The following DUSP14 variants were observed in gnomAD, a reference collection of about 807,000 sequenced individuals.
DUSP14 encodes dual specificity protein phosphatase 14.
A neutral mutation model predicts 13.2 loss-of-function variants in DUSP14; 5 were observed. That is an observed-to-expected ratio of 0.38 (90% CI 0.20 to 0.80). The LOEUF is 0.80. Among genes scored for constraint, DUSP14 ranks in the 30% least tolerant of loss-of-function variants. DUSP14 has a pLI of 0.44. For synonymous variants in DUSP14, 91 were observed against 103.4 expected (o/e 0.88, Z 0.73); for missense variants, 185 against 264.0 (o/e 0.70, Z 2.07).
intron 1 of DUSP14, among the ~76,000 whole-genome samples, chr17:37,499,718 C>T (rs1299565859): frequency 4.6e-5 from 7 of 151,862 alleles, no homozygotes; most frequent in African/African-American, 1.2e-4. Context: ...TTAGTAGAGA[C>T]GGGGTTTCAC....
At chr17:37,511,836 G>A (rs992288446) in intron 2 of DUSP14, among the ~76,000 whole-genome samples, 1 of 150,042 alleles carries the variant, frequency 6.7e-6, no homozygotes, top group Non-Finnish European at 1.5e-5. Flanking sequence ...TGGTCTTCTG[G>A]TCTTGAACTC....
intron 1 of DUSP14, among the ~76,000 whole-genome samples, chr17:37,496,291 A>C (rs2054064553): frequency 6.6e-6 from 1 of 152,200 alleles, no homozygotes. Context: ...AATATTTTTT[A>C]CTTTTAGAAA....
intron 1 of DUSP14, among the ~76,000 whole-genome samples, chr17:37,490,242 G>T (rs1157205125): frequency 6.6e-6 from 1 of 151,828 alleles, no homozygotes; most frequent in African/African-American, 2.4e-5. Context: ...CCGCCCCCGC[G>T]ACCCTGTCCC....
intron 1 of DUSP14, among the ~76,000 whole-genome samples, chr17:37,504,162 C>T (rs1046915435): frequency 1.3e-5 from 2 of 152,214 alleles, no homozygotes; most frequent in South Asian, 4.1e-4. Flanking sequence ...TCACTGCACT[C>T]CAGCCTGAGT....
intron 1 of DUSP14, among the ~76,000 whole-genome samples, chr17:37,506,065 C>G (rs992340409): frequency 3.3e-5 from 5 of 151,976 alleles, no homozygotes; most frequent in Non-Finnish European, 7.4e-5. Context: ...GAGTTCAAGA[C>G]CAGTCTGAGC....
At chr17:37,500,302 G>A (rs374150471) in intron 1 of DUSP14, among the ~76,000 whole-genome samples, 72 of 152,332 alleles carry the variant, frequency 4.7e-4, no homozygotes, top group African/African-American at 1.6e-3. Context: ...GAAACTCTCC[G>A]CTGGAGCTTT....
intron 1 of DUSP14, among the ~76,000 whole-genome samples, chr17:37,506,096 C>T (rs914039073): frequency 2.6e-5 from 4 of 151,974 alleles, no homozygotes; most frequent in Non-Finnish European, 5.9e-5. Flanking sequence ...AACTCTGTTT[C>T]TACTAAAAAA....
chr17:37,496,862 GC>G (rs2054068566), intron 1 of DUSP14, among the ~76,000 whole-genome samples: 1 of 146,766 alleles, frequency 6.8e-6, no homozygotes, highest in African/African-American at 2.5e-5. Flanking sequence ...GTTGCAGTGA[GC>G]AGAGATTGAG....
intron 1 of DUSP14, among the ~76,000 whole-genome samples, chr17:37,507,168 A>T (rs565310566): frequency 1.3e-5 from 2 of 152,288 alleles, no homozygotes; most frequent in East Asian, 3.9e-4. Context: ...TCAGAGAAGC[A>T]TCTATAGCAT....
At chr17:37,504,799 TTAAA>T (rs1437786651) in intron 1 of DUSP14, among the ~76,000 whole-genome samples, 3 of 152,206 alleles carry the variant, frequency 2.0e-5, no homozygotes. Flanking sequence ...CCGGCTGGTC[TTAAA>T]CTCTTGGGTT....
At position 37,512,488 on chromosome 17, in the gene DUSP14, G is replaced by A. The variant is rs369207934; in HGVS notation, c.216G>A (p.Glu72=). The A allele has an allele frequency of 5.0e-6, 8 of 1,614,154 alleles. No homozygotes were observed. The East Asian group carries it at 8.9e-5, about 18-fold the overall frequency. ...EIPNFNWPQF[E]YVKVPLADMP... Reference sequence around the variant, plus strand: ...CTAATTTCAACTGGCCCCAATTTGAGTATGTTAAAGTGCCTCTGGCTGACA... The same window carrying A: ...CTAATTTCAACTGGCCCCAATTTGAATATGTTAAAGTGCCTCTGGCTGACA... Residue 72 remains glutamate (E), a synonymous_variant, in exon 3 of 3, where the codon GAG becomes GAA. Coordinates refer to ENST00000617516, the MANE Select transcript of DUSP14 (RefSeq NM_007026.4). This position sits in a 1 kb window ranked among gnomAD's most constrained non-coding sequence, Gnocchi z 4.8.
chr17:37,491,709 A>G (rs1303764739), intron 1 of DUSP14: 1 of 152,248 alleles, frequency 6.6e-6, no homozygotes, highest in East Asian at 1.9e-4. Flanking sequence ...ATGTAAGTCC[A>G]GGAAATCCTT....
At chr17:37,491,185 C>G (rs2054025746) in intron 1 of DUSP14, among the ~76,000 whole-genome samples, 1 of 152,176 alleles carries the variant, frequency 6.6e-6, no homozygotes, top group Non-Finnish European at 1.5e-5. Context: ...AAGCTCCACT[C>G]CCTTGAGCTG....
intron 1 of DUSP14, among the ~76,000 whole-genome samples, chr17:37,504,282 G>A (rs577803994): frequency 6.6e-6 from 1 of 152,350 alleles, no homozygotes; most frequent in South Asian, 2.1e-4. Flanking sequence ...ACATCGAGAT[G>A]GCTGGCCTGG....
At chr17:37,499,138 C>T (rs908410150) in intron 1 of DUSP14, among the ~76,000 whole-genome samples, 3 of 152,074 alleles carry the variant, frequency 2.0e-5, no homozygotes, top group Non-Finnish European at 2.9e-5. Context: ...TCAGTGCAGG[C>T]AGGGGAAATG....
chr17:37,511,672 C>T (rs1270278186), intron 2 of DUSP14, among the ~76,000 whole-genome samples: 1 of 147,262 alleles, frequency 6.8e-6, no homozygotes, highest in Non-Finnish European at 1.5e-5. Context: ...ACTGCAGCCT[C>T]GACCTCCCAG....
In DUSP14 at chr17:37,512,547, C is replaced by T; in HGVS notation, c.275C>T (p.Thr92Ile). The change falls in exon 3 of 3, where the codon ACC (threonine) becomes ATC (isoleucine). Residue 92 changes from threonine to isoleucine, a missense_variant. Transcript: ENST00000617516. The surrounding 1 kb of genome is among the most constrained non-coding windows in gnomAD (Gnocchi z 4.8). ...PHAPIGLYFDTVADKIHSVSR... is the reference protein window; with the variant it reads ...PHAPIGLYFDIVADKIHSVSR... ...GCCCCCATTGGACTGTACTTTGACA[C>T]CGTGGCTGACAAGATCCACAGTGTG... The T allele has an allele frequency of 1.2e-6, 2 of 1,614,198 alleles. No homozygotes were observed. The highest frequency in any genetic ancestry group is 1.1e-5 in the South Asian group (1 of 91,080).
chr17:37,509,758 AATG>A (rs1402577976), intron 1 of DUSP14: 1 of 152,138 alleles, frequency 6.6e-6, no homozygotes, highest in Non-Finnish European at 1.5e-5. Context: ...TATTAAAAAA[AATG>A]AGGAAATTTT....
intron 1 of DUSP14, among the ~76,000 whole-genome samples, chr17:37,490,620 C>T (rs1273618708): frequency 6.6e-6 from 1 of 152,084 alleles, no homozygotes; most frequent in Non-Finnish European, 1.5e-5. Context: ...CCAGTGGTAC[C>T]AGCCAGTGTT....
Sources: allele counts gnomAD v4.1 joint callset (sites outside exome capture counted in the v4.1 genomes callset), GRCh38; gene constraint gnomAD v4.1.1; non-coding constraint Gnocchi (gnomAD v3.1); transcripts MANE v1.5; gene names NCBI Gene and HGNC (gene_info 2026-07-23, HGNC 2026-07-21).